TANGO6: variants seen among roughly 807,000 people sequenced by gnomAD.
TANGO6 encodes the protein transport and Golgi organization protein 6 homolog.
Under a neutral mutation model 114.2 loss-of-function variants are expected in TANGO6, and 90 were observed. The observed-to-expected ratio is 0.79, with a 90% CI of 0.66 to 0.94. The LOEUF (loss-of-function observed/expected upper bound fraction) is 0.94. Among genes scored for constraint, TANGO6 ranks in the 40% least tolerant of loss-of-function variants. TANGO6 has a pLI of 0.00. For missense variants in TANGO6, 1,274 were observed against 1,315.3 expected, an observed-to-expected ratio of 0.97 and a Z score of 0.49; for synonymous variants, 477 against 509.8, an observed-to-expected ratio of 0.94 and a Z score of 0.87.
At chr16:68,971,203 A>G (rs1050465516) in intron 14 of TANGO6, among the ~76,000 whole-genome samples, 1 of 151,828 alleles carries the variant, frequency 6.6e-6, no homozygotes, top group Non-Finnish European at 1.5e-5. Flanking sequence ...AATATATACC[A>G]GGCCTTGTAA....
At position 68,860,470 on chromosome 16, in the gene TANGO6, G is replaced by A. The variant is rs777204390; in HGVS notation, c.681G>A (p.Leu227=). Residue 227 remains leucine (L), a synonymous_variant, in exon 2 of 18, where the codon CTG becomes CTA. Coordinates refer to ENST00000261778, the MANE Select transcript of TANGO6 (RefSeq NM_024562.2). ...ACTTTGGGGATATCGCAGCAGGTCT[G>A]TGCCAACTGGGATTCTGCCCAACCA... ...CHHFGDIAAG[L]CQLGFCPTKR... 12 of 1,613,972 alleles carry A rather than the reference G, an allele frequency of 7.4e-6. No individual in the cohort carries two copies. The highest frequency in any genetic ancestry group is 1.0e-5 in the Non-Finnish European group (12 of 1,179,898).
chr16:68,875,250 C>G lies in TANGO6; in HGVS notation c.1091C>G (p.Ser364Cys), dbSNP rs776450093. ...AKILASCPQQ[S>C]LSPENYYRDI... ...ATTTTGGCCTCTTGTCCCCAGCAGTCTCTTTCACCAGAGAATTACTACAGG... is the reference window on the plus strand; with the variant it reads ...ATTTTGGCCTCTTGTCCCCAGCAGTGTCTTTCACCAGAGAATTACTACAGG... Residue 364 changes from serine to cysteine, a missense_variant, in exon 5 of 18, where the codon TCT becomes TGT. This residue lies in a region of TANGO6 where 908 missense variants were observed against 910.2 expected (regional missense o/e 1.00). Coordinates refer to ENST00000261778, the MANE Select transcript of TANGO6 (RefSeq NM_024562.2). 1 of 1,613,736 alleles carries G rather than the reference C, an allele frequency of 6.2e-7. No individual in the cohort carries two copies. Among genetic ancestry groups the G allele is most frequent in the Non-Finnish European group, 8.5e-7 (1 of 1,179,770 alleles).
At chr16:68,965,150 CTTTT>C (rs1567549538) in intron 14 of TANGO6, among the ~76,000 whole-genome samples, 1 of 145,510 alleles carries the variant, frequency 6.9e-6, no homozygotes, top group Admixed American at 6.7e-5. Flanking sequence ...ACTTGATTTT[CTTTT>C]TTTGTTTGTT....
intron 2 of TANGO6, 76 bp downstream of exon 2, chr16:68,860,600 T>C: frequency 6.6e-7 from 1 of 1,520,690 alleles, no homozygotes; most frequent in East Asian, 2.3e-5. Context: ...GGATAGTTGT[T>C]ATAAAAGGCA....
In TANGO6 at chr16:68,996,522, CA is replaced by C. The variant is rs555275478; in HGVS notation, c.2842+22355del. The stretch of plus-strand genomic sequence containing the variant: ...CGAGCACAAAAAAGGGGCACATGAA[CA>C]GAGTCAGATCTATATTTTGTCTCCT... On this transcript the variant is annotated intron_variant, in intron 15 of 17. Coordinates refer to ENST00000261778, the MANE Select transcript of TANGO6 (RefSeq NM_024562.2). Among the ~76,000 whole-genome samples the C allele has an allele frequency of 7.9e-5, 12 of 152,252 alleles. No individual in the cohort carries two copies. The East Asian group carries it at 2.1e-3, about 27-fold the overall frequency.
chr16:68,929,767 T>C (rs1238202054), intron 13 of TANGO6, among the ~76,000 whole-genome samples: 1 of 152,178 alleles, frequency 6.6e-6, no homozygotes, highest in African/African-American at 2.4e-5. Context: ...AAAAATAAAT[T>C]AGAACAGATT....
chr16:68,861,612 G>A (rs893552740), intron 2 of TANGO6, among the ~76,000 whole-genome samples: 4 of 152,128 alleles, frequency 2.6e-5, no homozygotes, highest in African/African-American at 9.7e-5. Context: ...AGGCTAAACT[G>A]TGCCCAGGGA....
At chr16:68,865,372 A>T (rs1343287331) in intron 3 of TANGO6, among the ~76,000 whole-genome samples, 1 of 152,172 alleles carries the variant, frequency 6.6e-6, no homozygotes, top group African/African-American at 2.4e-5. Flanking sequence ...CACCTTCTGC[A>T]GGGGATAGGC....
chr16:69,060,075 G>A (rs1960090945), intron 17 of TANGO6, among the ~76,000 whole-genome samples: 1 of 152,112 alleles, frequency 6.6e-6, no homozygotes, highest in Non-Finnish European at 1.5e-5. Context: ...TGTTTCTTAT[G>A]CCTCGAATGC....
At chr16:69,043,957 G>A (rs1054302900) in intron 17 of TANGO6, among the ~76,000 whole-genome samples, 2 of 152,152 alleles carry the variant, frequency 1.3e-5, no homozygotes, top group South Asian at 2.1e-4. Flanking sequence ...ATCAGAGAGG[G>A]GAAACATCAA....
chr16:68,849,945 A>G (rs929527788), intron 1 of TANGO6, among the ~76,000 whole-genome samples: 4 of 149,080 alleles, frequency 2.7e-5, no homozygotes, highest in African/African-American at 7.4e-5. Flanking sequence ...TAATTGCTTG[A>G]TTACATATTT....
At chr16:68,849,916 T>C (rs1961874434) in intron 1 of TANGO6, among the ~76,000 whole-genome samples, 2 of 151,984 alleles carry the variant, frequency 1.3e-5, no homozygotes, top group African/African-American at 4.8e-5. Context: ...ACCTTCATTC[T>C]ATAGTTACAA....
chr16:69,020,833 G>A (rs1039023827), intron 15 of TANGO6, among the ~76,000 whole-genome samples: 1 of 151,820 alleles, frequency 6.6e-6, no homozygotes, highest in Admixed American at 6.6e-5. Context: ...GGAGATTGAG[G>A]CTGCAGTGAG....
chr16:69,014,941 T>C, intron 15 of TANGO6, among the ~76,000 whole-genome samples: 1 of 151,684 alleles, frequency 6.6e-6, no homozygotes, highest in East Asian at 1.9e-4. Flanking sequence ...ACCTCTTATG[T>C]AGGATCTTAA....
chr16:69,020,904 A>ATGTGTG (rs34350425), intron 15 of TANGO6, among the ~76,000 whole-genome samples: 6,801 of 87,066 alleles, frequency 0.078, 179 homozygotes, highest in Non-Finnish European at 0.13. Context: ...ATATGTATGT[A>ATGTGTG]TGTGTGTGTG....
At chr16:69,028,493 C>T (rs1399481054) in intron 16 of TANGO6, among the ~76,000 whole-genome samples, 5 of 151,878 alleles carry the variant, frequency 3.3e-5, no homozygotes, top group Admixed American at 6.6e-5. Flanking sequence ...ATTAGCCAGG[C>T]GTGGTGGCAC....
chr16:68,875,301 T>C lies in TANGO6; in HGVS notation c.1131+11T>C. The C allele has an allele frequency of 6.2e-7, 1 of 1,610,876 alleles. No homozygotes were observed. The highest frequency in any genetic ancestry group is 8.5e-7 in the Non-Finnish European group (1 of 1,177,884). On this transcript the variant is annotated intron_variant, in intron 5 of 17. Transcript: ENST00000261778. Reference sequence around the variant, plus strand: ...GACATCTGCCCCCAGGTAAATCTTTTTGTTTCTATTGATCATTTGAGGATT... The same window carrying C: ...GACATCTGCCCCCAGGTAAATCTTTCTGTTTCTATTGATCATTTGAGGATT...
At chr16:69,058,995 C>T (rs756618833) in intron 17 of TANGO6, among the ~76,000 whole-genome samples, 1 of 151,788 alleles carries the variant, frequency 6.6e-6, no homozygotes, top group Non-Finnish European at 1.5e-5. Context: ...GCAACCTCTG[C>T]CTCCCAGGTC....
chr16:68,860,626 G>C, intron 2 of TANGO6, 102 bp downstream of exon 2: 1 of 1,415,126 alleles, frequency 7.1e-7, no homozygotes. Context: ...TAGTTCTTCA[G>C]AACTGGATAT....
Sources: gnomAD v4.1 joint callset for allele counts (sites outside exome capture counted in the v4.1 genomes callset) on GRCh38, gnomAD v4.1.1 for gene constraint, gnomAD v4.1.1 regional missense constraint, MANE v1.5 for transcripts, NCBI Gene and HGNC (gene_info 2026-07-23, HGNC 2026-07-21) for gene names.